Variants in LRBA observed in about 807,000 individuals in gnomAD.
LRBA encodes the protein LPS responsive beige-like anchor protein, also known as lipopolysaccharide-responsive and beige-like anchor protein.
Under a neutral mutation model 330.0 loss-of-function variants are expected in LRBA, and 176 were observed. The observed-to-expected ratio is 0.53, with a 90% CI of 0.47 to 0.60. The LOEUF is 0.60. Ranked by LOEUF, LRBA falls within the 20% of genes least tolerant of loss-of-function variation. LRBA has a pLI of 0.00. For synonymous variants in LRBA, 1,230 were observed against 1,193.0 expected (o/e 1.03, Z -0.64); for missense variants, 3,259 against 3,444.8 (o/e 0.95, Z 1.35).
intron 28 of LRBA, among the ~76,000 whole-genome samples, chr4:150,833,606 A>G (rs1054283248): frequency 1.3e-5 from 2 of 152,196 alleles, no homozygotes; most frequent in African/African-American, 4.8e-5. Context: ...AAACGCACAT[A>G]ATTTAAAAAT....
intron 44 of LRBA, among the ~76,000 whole-genome samples, chr4:150,441,940 T>C (rs1353067371): frequency 6.6e-6 from 1 of 152,180 alleles, no homozygotes; most frequent in Non-Finnish European, 1.5e-5. Context: ...CACAAAAAAA[T>C]ACTTAACAAG....
intron 18 of LRBA, among the ~76,000 whole-genome samples, chr4:150,872,426 C>G (rs1353119068): frequency 2.0e-5 from 3 of 151,890 alleles, no homozygotes; most frequent in African/African-American, 7.3e-5. Flanking sequence ...GCTGTCCAAA[C>G]TAATTCTCAT....
intron 47 of LRBA, among the ~76,000 whole-genome samples, chr4:150,381,940 G>C (rs1581164164): frequency 6.6e-6 from 1 of 152,092 alleles, no homozygotes; most frequent in Non-Finnish European, 1.5e-5. Flanking sequence ...CGTGCCTTTT[G>C]GCCATTCAGA....
chr4:150,658,166 T>C (rs189364032), intron 37 of LRBA, among the ~76,000 whole-genome samples: 50 of 130,860 alleles, frequency 3.8e-4, no homozygotes, highest in South Asian at 7.9e-4. Context: ...TCAAAAACAA[T>C]TGAATTCTAA....
chr4:150,505,629 G>T (rs1180520545), intron 40 of LRBA, among the ~76,000 whole-genome samples: 1 of 152,112 alleles, frequency 6.6e-6, no homozygotes, highest in Non-Finnish European at 1.5e-5. Context: ...GAGAAAGCAG[G>T]AAAGATCTAA....
intron 40 of LRBA, among the ~76,000 whole-genome samples, chr4:150,492,669 C>T (rs1179478052): frequency 6.6e-6 from 1 of 152,110 alleles, no homozygotes; most frequent in Non-Finnish European, 1.5e-5. Flanking sequence ...TAATAGTATC[C>T]AGTGACTTCC....
rs954409600 is a variant in LRBA, at chr4:150,321,656, C to T, written c.7453-288G>A. ...ATGAGCTCCCTTTCCCTCCCCACTG[C>T]CACGAAAAACTAAAAGAATGATTTG... On this transcript the variant is annotated intron_variant, in intron 49 of 56. Coordinates refer to ENST00000651943, the MANE Select transcript of LRBA (RefSeq NM_001364905.1). The surrounding 1 kb of genome is among the most constrained non-coding windows in gnomAD (Gnocchi z 4.5). Among the ~76,000 whole-genome samples, 3 of 152,036 alleles carry T rather than the reference C, an allele frequency of 2.0e-5. No individual in the cohort carries two copies. The highest frequency in any genetic ancestry group is 4.8e-5 in the African/African-American group (2 of 41,394).
intron 44 of LRBA, among the ~76,000 whole-genome samples, chr4:150,459,218 T>A (rs1382152431): frequency 2.0e-5 from 3 of 151,866 alleles, no homozygotes; most frequent in Non-Finnish European, 4.4e-5. Context: ...AGCTTTCAGT[T>A]ATAATCCTCC....
chr4:150,492,588 G>A (rs1759099377), intron 40 of LRBA, among the ~76,000 whole-genome samples: 1 of 152,098 alleles, frequency 6.6e-6, no homozygotes, highest in South Asian at 2.1e-4. Context: ...TACCTCTGAA[G>A]TCTACCATGA....
At chr4:151,013,082 C>T (rs767402638) in intron 2 of LRBA, 1 of 152,150 alleles carries the variant, frequency 6.6e-6, no homozygotes, top group Non-Finnish European at 1.5e-5. Context: ...CATCTAGCTA[C>T]TTTCTTATTC....
intron 35 of LRBA, among the ~76,000 whole-genome samples, chr4:150,745,507 T>C (rs534411109): frequency 6.6e-6 from 1 of 152,098 alleles, no homozygotes; most frequent in Admixed American, 6.5e-5. Flanking sequence ...AAAAAACCTT[T>C]GTTTTTTGTT....
intron 44 of LRBA, among the ~76,000 whole-genome samples, chr4:150,440,271 C>T (rs1396484523): frequency 1.3e-5 from 2 of 151,878 alleles, no homozygotes; most frequent in Non-Finnish European, 2.9e-5. Flanking sequence ...TGGTATAATT[C>T]CAGGTAAACA....
chr4:150,635,022 T>C (rs1442077259), intron 37 of LRBA, among the ~76,000 whole-genome samples: 4 of 152,192 alleles, frequency 2.6e-5, no homozygotes, highest in Non-Finnish European at 5.9e-5. Flanking sequence ...ATGATCAAGG[T>C]TGTTTGGACC....
At chr4:150,670,327 A>T (rs183776265) in intron 37 of LRBA, among the ~76,000 whole-genome samples, 6 of 152,312 alleles carry the variant, frequency 3.9e-5, no homozygotes, top group African/African-American at 1.4e-4. Context: ...CGATAAACTA[A>T]AAAATATTTA....
intron 42 of LRBA, among the ~76,000 whole-genome samples, chr4:150,486,474 T>A (rs957210271): frequency 6.6e-6 from 1 of 151,870 alleles, no homozygotes; most frequent in Non-Finnish European, 1.5e-5. Context: ...GCATTTTTTA[T>A]AATAATGAAA....
At chr4:150,480,921 T>C (rs1222496334) in intron 42 of LRBA, among the ~76,000 whole-genome samples, 1 of 152,296 alleles carries the variant, frequency 6.6e-6, no homozygotes, top group East Asian at 1.9e-4. Flanking sequence ...TATAGAACTT[T>C]AGAATTTATT....
At chr4:150,771,214 A>G (rs1305935781) in intron 34 of LRBA, among the ~76,000 whole-genome samples, 1 of 152,034 alleles carries the variant, frequency 6.6e-6, no homozygotes, top group East Asian at 1.9e-4. Flanking sequence ...AAGTGGTAAC[A>G]CTCCCATTTC....
At chr4:150,799,846 T>C (rs1392674544) in intron 33 of LRBA, among the ~76,000 whole-genome samples, 1 of 152,088 alleles carries the variant, frequency 6.6e-6, no homozygotes, top group Non-Finnish European at 1.5e-5. Context: ...CCAGGTTCAA[T>C]CAATTCTCCT....
At chr4:151,012,132 C>G (rs1012643882) in intron 2 of LRBA, among the ~76,000 whole-genome samples, 1 of 152,124 alleles carries the variant, frequency 6.6e-6, no homozygotes, top group African/African-American at 2.4e-5. Context: ...AGGAGGGTAA[C>G]TAACTGAACA....
Sources: gnomAD v4.1 joint callset for allele counts (sites outside exome capture counted in the v4.1 genomes callset) on GRCh38, gnomAD v4.1.1 for gene constraint, Gnocchi (gnomAD v3.1) non-coding constraint, MANE v1.5 for transcripts, NCBI Gene and HGNC (gene_info 2026-07-23, HGNC 2026-07-21) for gene names.